MSRB3: variants seen among roughly 807,000 people sequenced by gnomAD.
MSRB3 encodes methionine sulfoxide reductase B3.
Under a neutral mutation model 21.0 loss-of-function variants are expected in MSRB3, and 13 were observed. The observed-to-expected ratio is 0.62, with a 90% CI of 0.40 to 0.98. The LOEUF (loss-of-function observed/expected upper bound fraction) is 0.98, where lower values mean the gene tolerates loss of function less well. Ranked by LOEUF, MSRB3 falls within the 50% of genes least tolerant of loss-of-function variation. MSRB3 has a pLI of 0.00. For synonymous variants in MSRB3, 87 were observed against 88.6 expected, an observed-to-expected ratio of 0.98 and a Z score of 0.10; for missense variants, 199 against 230.3, an observed-to-expected ratio of 0.86 and a Z score of 0.88.
intron 6 of MSRB3, 88 bp downstream of exon 6, chr12:65,453,913 CACAAGAAGG>C: frequency 9.6e-7 from 1 of 1,046,648 alleles, no homozygotes; most frequent in Non-Finnish European, 1.5e-6. Context: ...AGCGACTGGT[CACAAGAAGG>C]ACAGACAAGC....
At chr12:65,441,153 C>T (rs1449113397) in intron 5 of MSRB3, among the ~76,000 whole-genome samples, 1 of 151,868 alleles carries the variant, frequency 6.6e-6, no homozygotes, top group Non-Finnish European at 1.5e-5. Context: ...GTGATGACAT[C>T]TAATTTTAAT....
intron 5 of MSRB3, among the ~76,000 whole-genome samples, chr12:65,379,875 A>G (rs145920804): frequency 5.9e-5 from 9 of 152,360 alleles, no homozygotes; most frequent in Admixed American, 1.3e-4. Context: ...GTGATCAGTC[A>G]TGATCAGTCA....
At chr12:65,332,051 GA>G (rs1479318732) in intron 4 of MSRB3, among the ~76,000 whole-genome samples, 3 of 152,190 alleles carry the variant, frequency 2.0e-5, no homozygotes, top group African/African-American at 7.2e-5. Flanking sequence ...GGCTGACAAA[GA>G]AAGAAGTATT....
intron 1 of MSRB3, among the ~76,000 whole-genome samples, chr12:65,283,097 T>C (rs1360396570): frequency 2.6e-5 from 4 of 152,212 alleles, no homozygotes; most frequent in African/African-American, 9.6e-5. Flanking sequence ...GTAGAGATAT[T>C]TGAAACAGTA....
At chr12:65,308,450 CCAT>C in intron 1 of MSRB3, 76 bp from the exon 2 acceptor site, 1 of 1,536,860 alleles carries the variant, frequency 6.5e-7, no homozygotes, top group South Asian at 1.2e-5. Context: ...AAAACTGTAA[CCAT>C]CAGTTGTGCA....
chr12:65,405,550 T>C (rs1287800759), intron 5 of MSRB3, among the ~76,000 whole-genome samples: 1 of 152,102 alleles, frequency 6.6e-6, no homozygotes, highest in Non-Finnish European at 1.5e-5. Flanking sequence ...GTAGTGTACC[T>C]AGAGGTGCAA....
intron 2 of MSRB3, among the ~76,000 whole-genome samples, chr12:65,319,748 T>C (rs1450976465): frequency 6.6e-6 from 1 of 152,178 alleles, no homozygotes. Flanking sequence ...GAATTTACAA[T>C]GTGTTTGGGA....
chr12:65,419,744 AG>A lies in MSRB3; in HGVS notation c.293-33982del, dbSNP rs1881179168. On this transcript the variant is annotated intron_variant, in intron 5 of 6. Coordinates refer to ENST00000308259, the MANE Select transcript of MSRB3 (RefSeq NM_001031679.3). ...GGGCTCCTCACTCTGTCCAGGTAGT[AG>A]GCCAGGCGGTCTTCAGGCTTTGCAT... 3 of 1,014,342 alleles carry A rather than the reference AG, an allele frequency of 3.0e-6. No homozygotes were observed. The African/African-American group carries it at 4.8e-5, about 16-fold the overall frequency. The allele number at this position is 1,014,342 out of a possible 1,614,324, so 62.8% of individuals were successfully genotyped here.
intron 5 of MSRB3, among the ~76,000 whole-genome samples, chr12:65,406,980 T>G (rs762523647): frequency 6.6e-6 from 1 of 152,218 alleles, no homozygotes; most frequent in Non-Finnish European, 1.5e-5. Flanking sequence ...CTTCCCAGCC[T>G]CCAGAACTGT....
intron 5 of MSRB3, among the ~76,000 whole-genome samples, chr12:65,404,382 C>T (rs1307568527): frequency 6.6e-6 from 1 of 152,190 alleles, no homozygotes; most frequent in Non-Finnish European, 1.5e-5. Context: ...CCTGTCATCC[C>T]TTTTGTCATT....
rs181153278 is a variant in MSRB3 at position 65,356,999 on chromosome 12, G to A, written c.264-11999G>A. 1.1e-3 allele frequency among the ~76,000 whole-genome samples: 168 copies of A among 151,928 alleles called. No individual in the cohort carries two copies. In the Middle Eastern group the frequency reaches 0.017, roughly 15 times the overall value. ...CTAATATCCTGTGTCGGACCATGCA[G>A]CTTGAAGTTTTCTTATTGATCCTAG... is the stretch of plus-strand genomic sequence containing the variant. On this transcript the variant is annotated intron_variant, in intron 4 of 6. Transcript: ENST00000308259.
intron 5 of MSRB3, among the ~76,000 whole-genome samples, chr12:65,411,016 C>T (rs563563387): frequency 4.6e-5 from 7 of 151,918 alleles, no homozygotes; most frequent in African/African-American, 1.7e-4. Context: ...ATCTTATTCT[C>T]ATTTTGTTTA....
intron 5 of MSRB3, among the ~76,000 whole-genome samples, chr12:65,415,012 A>G (rs1333872499): frequency 6.6e-6 from 1 of 152,180 alleles, no homozygotes; most frequent in African/African-American, 2.4e-5. Context: ...TACAGGTGAT[A>G]TATAAAGCCC....
At chr12:65,435,522 T>C (rs1320959491) in intron 5 of MSRB3, among the ~76,000 whole-genome samples, 1 of 151,934 alleles carries the variant, frequency 6.6e-6, no homozygotes, top group Non-Finnish European at 1.5e-5. Context: ...AGAGCTATAG[T>C]CTGAGCAATA....
At chr12:65,414,326 G>A (rs1021104674) in intron 5 of MSRB3, among the ~76,000 whole-genome samples, 1 of 152,114 alleles carries the variant, frequency 6.6e-6, no homozygotes, top group Non-Finnish European at 1.5e-5. Context: ...TAGGAATGAG[G>A]TATGGTAGAT....
intron 5 of MSRB3, among the ~76,000 whole-genome samples, chr12:65,437,131 G>A (rs569237616): frequency 3.3e-5 from 5 of 151,924 alleles, no homozygotes; most frequent in African/African-American, 1.2e-4. Flanking sequence ...CAGTAATTTT[G>A]GTATGGACAA....
chr12:65,377,042 A>G (rs1878665499), intron 5 of MSRB3, among the ~76,000 whole-genome samples: 1 of 152,142 alleles, frequency 6.6e-6, no homozygotes, highest in African/African-American at 2.4e-5. Context: ...CGACTACTCC[A>G]TCTTGTTGGC....
chr12:65,308,800 C>A, intron 2 of MSRB3, 145 bp downstream of exon 2: 1 of 1,009,704 alleles, frequency 9.9e-7, no homozygotes, highest in Non-Finnish European at 1.5e-6. Flanking sequence ...GGTTATAAAT[C>A]ACCACTCTAC....
In MSRB3 at chr12:65,420,096, A is replaced by G. The variant is rs78520422; in HGVS notation, c.293-33632A>G. ...AACCTTGAGTTTTGTATGGTGTGAG[A>G]TGAGGCTCTAATTTTATTCTTCTGA... On this transcript the variant is annotated intron_variant, in intron 5 of 6. Transcript: ENST00000308259. 5.7e-3 allele frequency: 2,534 copies of G among 446,176 alleles called. 56 individuals carry two copies. The highest frequency in any genetic ancestry group is 0.048 in the African/African-American group (2,336 of 48,520). The allele number at this position is 446,176 out of a possible 1,614,324, so 27.6% of individuals were successfully genotyped here. A position where few individuals can be genotyped will look rare whatever the true frequency, so the allele number is the denominator to read the frequency against.
Sources: allele counts gnomAD v4.1 joint callset (sites outside exome capture counted in the v4.1 genomes callset), GRCh38; gene constraint gnomAD v4.1.1; transcripts MANE v1.5; gene names NCBI Gene and HGNC (gene_info 2026-07-23, HGNC 2026-07-21).